The following RBM20 variants were observed in gnomAD, a reference collection of about 807,000 sequenced individuals.
The protein encoded by RBM20 is RNA-binding protein 20.
A neutral mutation model predicts 110.1 loss-of-function variants in RBM20; 51 were observed. The ratio of observed to expected loss-of-function variants is 0.46; its 90% CI spans 0.37 to 0.59. RBM20 has a LOEUF of 0.59. RBM20 is among the 20% of genes least tolerant of loss of function. The pLI is 0.00. For missense variants in RBM20, 1,512 were observed against 1,574.9 expected (o/e 0.96, Z 0.68); for synonymous variants, 589 against 618.2 (o/e 0.95, Z 0.70).
chr10:110,661,099 G>A (rs145344761), intron 1 of RBM20, among the ~76,000 whole-genome samples: 1 of 152,158 alleles, frequency 6.6e-6, no homozygotes, highest in Admixed American at 6.5e-5. Context: ...CTAAATATTT[G>A]TTGAATGACT....
chr10:110,678,455 A>C (rs115855147), intron 1 of RBM20, among the ~76,000 whole-genome samples: 202 of 152,348 alleles, frequency 1.3e-3, no homozygotes, highest in African/African-American at 4.5e-3. Flanking sequence ...GCATCATCAG[A>C]GAAAGGATCT....
At chr10:110,753,887 C>T (rs747261924) in intron 1 of RBM20, among the ~76,000 whole-genome samples, 19 of 152,196 alleles carry the variant, frequency 1.2e-4, no homozygotes, top group Non-Finnish European at 2.4e-4. Flanking sequence ...GTAGCATCTC[C>T]AAATCTCTCT....
At chr10:110,661,005 A>C (rs1862094290) in intron 1 of RBM20, among the ~76,000 whole-genome samples, 2 of 151,980 alleles carry the variant, frequency 1.3e-5, no homozygotes, top group South Asian at 2.1e-4. Flanking sequence ...CCCACCACAT[A>C]AGCTCTCCAA....
chr10:110,825,013 AT>A (rs1258562731), intron 12 of RBM20, among the ~76,000 whole-genome samples: 3 of 82,790 alleles, frequency 3.6e-5, no homozygotes, highest in Non-Finnish European at 9.9e-5. Flanking sequence ...CAGGTGTACC[AT>A]TTTTATAGTC....
intron 1 of RBM20, among the ~76,000 whole-genome samples, chr10:110,645,453 A>T (rs986921465): frequency 3.9e-5 from 6 of 152,228 alleles, no homozygotes; most frequent in Non-Finnish European, 8.8e-5. Flanking sequence ...CCCAGTTTGT[A>T]ATGAAGTCTT....
At chr10:110,818,419 A>G (rs945085594) in intron 9 of RBM20, among the ~76,000 whole-genome samples, 2 of 152,086 alleles carry the variant, frequency 1.3e-5, no homozygotes, top group African/African-American at 4.8e-5. Flanking sequence ...GAAGTGGGAG[A>G]CCAGTTTCGA....
rs965789091 is a variant in RBM20 at position 110,689,963 on chromosome 10, G to A, written c.191+45318G>A. On this transcript the variant is annotated intron_variant, in intron 1 of 13. Coordinates refer to ENST00000369519, the MANE Select transcript of RBM20 (RefSeq NM_001134363.3). ...TAATTTTAAGTGCTTCCAGAAAATGGGAATGAAACAATGCTTAAATAGGGC... is the reference window on the plus strand; with the variant it reads ...TAATTTTAAGTGCTTCCAGAAAATGAGAATGAAACAATGCTTAAATAGGGC... Among the ~76,000 whole-genome samples the A allele has an allele frequency of 2.0e-5, 3 of 152,114 alleles. No homozygotes were observed. In the South Asian group the frequency reaches 6.2e-4, roughly 31 times the overall value.
intron 9 of RBM20, among the ~76,000 whole-genome samples, chr10:110,816,029 G>A (rs907812258): frequency 1.3e-5 from 2 of 152,160 alleles, no homozygotes; most frequent in African/African-American, 4.8e-5. Flanking sequence ...CCACAGGGCT[G>A]CCCCTGGAGT....
intron 1 of RBM20, among the ~76,000 whole-genome samples, chr10:110,737,177 C>CAAAAAAAAAAAAAAAAAAAAAAAA (rs550138775): frequency 0.013 from 348 of 26,526 alleles, 51 homozygotes; most frequent in Non-Finnish European, 0.019. Context: ...AACTCTGCCT[C>CAAAAAAAAAAAAAAAAAAAAAAAA]AAAAAAAAAA....
At chr10:110,755,972 A>G (rs1245292711) in intron 1 of RBM20, among the ~76,000 whole-genome samples, 2 of 152,190 alleles carry the variant, frequency 1.3e-5, no homozygotes, top group Non-Finnish European at 2.9e-5. Flanking sequence ...GGCTGTGGAG[A>G]CAGCGTTAGT....
chr10:110,823,739 A>G (rs1844947421), intron 12 of RBM20, 125 bp downstream of exon 12: 6 of 1,010,612 alleles, frequency 5.9e-6, no homozygotes, highest in Non-Finnish European at 8.9e-6. Context: ...TTCTTTTGAG[A>G]CAAGGTCTCA....
rs1844944986 is a variant in RBM20, at chr10:110,823,569, T to G, written c.3406T>G (p.Ser1136Ala). 1 of 1,550,542 alleles carries G rather than the reference T, an allele frequency of 6.4e-7. No homozygotes were observed. Among genetic ancestry groups the G allele is most frequent in the African/African-American group, 1.4e-5 (1 of 72,694 alleles). The part of the protein sequence containing the change: ...VELKQPLSLP[S>A]WEPEDVFSEL... ...ACTGAAACAGCCCCTTTCTTTGCCC[T>G]CTTGGGAACCAGAGGATGTGTTCAG... The change falls in exon 12 of 14, where the codon TCT becomes GCT. Residue 1136 changes from serine (S) to alanine (A), a missense_variant. Physicochemically the swap from Ser to Ala is moderately conservative, Grantham distance 99. Coordinates refer to ENST00000369519, the MANE Select transcript of RBM20 (RefSeq NM_001134363.3).
chr10:110,731,826 G>A (rs541900392), intron 1 of RBM20, among the ~76,000 whole-genome samples: 1 of 152,288 alleles, frequency 6.6e-6, no homozygotes, highest in East Asian at 1.9e-4. Context: ...GTTCTCTTCA[G>A]CTTAATTTGC....
At chr10:110,671,099 C>T (rs946898551) in intron 1 of RBM20, among the ~76,000 whole-genome samples, 4 of 152,196 alleles carry the variant, frequency 2.6e-5, no homozygotes, top group South Asian at 2.1e-4. Context: ...GGCCTAGAAA[C>T]GTCTCCAATC....
At chr10:110,792,057 A>G (rs900186806) in intron 5 of RBM20, among the ~76,000 whole-genome samples, 5 of 152,220 alleles carry the variant, frequency 3.3e-5, no homozygotes, top group Non-Finnish European at 7.3e-5. Context: ...AGGAACTCCC[A>G]TATAACTTTT....
chr10:110,774,769 T>C (rs1844239410), intron 1 of RBM20, among the ~76,000 whole-genome samples: 1 of 152,214 alleles, frequency 6.6e-6, no homozygotes, highest in African/African-American at 2.4e-5. Flanking sequence ...TCTTAAAGTG[T>C]GATCACTAGC....
chr10:110,790,400 G>A (rs1844469679), intron 5 of RBM20, among the ~76,000 whole-genome samples: 1 of 152,248 alleles, frequency 6.6e-6, no homozygotes, highest in South Asian at 2.1e-4. Flanking sequence ...GGAGACAGGA[G>A]ACCTGGGTAG....
At chr10:110,791,604 C>T (rs1005707245) in intron 5 of RBM20, among the ~76,000 whole-genome samples, 3 of 152,066 alleles carry the variant, frequency 2.0e-5, no homozygotes, top group South Asian at 2.1e-4. Context: ...GCATTTCTCC[C>T]CAGCTACAAA....
At chr10:110,818,134 A>G (rs996712119) in intron 9 of RBM20, among the ~76,000 whole-genome samples, 13 of 151,706 alleles carry the variant, frequency 8.6e-5, no homozygotes, top group African/African-American at 2.9e-4. Flanking sequence ...ACAAAAAAAA[A>G]AAAAAAATTA....
Sources: gnomAD v4.1 joint callset for allele counts (sites outside exome capture counted in the v4.1 genomes callset) on GRCh38, gnomAD v4.1.1 for gene constraint, MANE v1.5 for transcripts, NCBI Gene and HGNC (gene_info 2026-07-23, HGNC 2026-07-21) for gene names.